Variants in DPYD observed in about 807,000 individuals in gnomAD.
The protein encoded by DPYD is dihydropyrimidine dehydrogenase [NADP(+)].
Under a neutral mutation model 116.2 loss-of-function variants are expected in DPYD, and 109 were observed. That is an observed-to-expected ratio of 0.94 (90% CI 0.80 to 1.10). The LOEUF is 1.10. Among genes scored for constraint, DPYD ranks in the 50% least tolerant of loss-of-function variants. The pLI, the probability that DPYD is intolerant of heterozygous loss-of-function variation, is 0.00. For synonymous variants in DPYD, 440 were observed against 432.0 expected (o/e 1.02, Z -0.23); for missense variants, 1,302 against 1,254.5 (o/e 1.04, Z -0.57).
chr1:97,531,703 A>G (rs1236270076), intron 12 of DPYD, among the ~76,000 whole-genome samples: 2 of 152,174 alleles, frequency 1.3e-5, no homozygotes, highest in East Asian at 3.8e-4. Flanking sequence ...TTGAATCTGT[A>G]CATTGCTTTA....
intron 20 of DPYD, among the ~76,000 whole-genome samples, chr1:97,165,692 C>T (rs898042283): frequency 6.6e-6 from 1 of 152,080 alleles, no homozygotes; most frequent in Non-Finnish European, 1.5e-5. Context: ...GATCTAATAT[C>T]CTGAATCAAT....
intron 3 of DPYD, among the ~76,000 whole-genome samples, chr1:97,781,527 G>C (rs1384467675): frequency 6.6e-6 from 1 of 152,084 alleles, no homozygotes; most frequent in Non-Finnish European, 1.5e-5. Flanking sequence ...TTAACAACTA[G>C]AGTCTTGTTT....
At chr1:97,825,494 T>C (rs965072149) in intron 3 of DPYD, among the ~76,000 whole-genome samples, 4 of 151,422 alleles carry the variant, frequency 2.6e-5, no homozygotes, top group Admixed American at 6.6e-5. Flanking sequence ...TGGAGCCACT[T>C]AGGGGCTGCT....
At chr1:97,852,735 T>G (rs975451622) in intron 2 of DPYD, among the ~76,000 whole-genome samples, 3 of 152,182 alleles carry the variant, frequency 2.0e-5, no homozygotes, top group African/African-American at 7.2e-5. Context: ...AGGATGATGA[T>G]TTCTCAGGTT....
intron 20 of DPYD, among the ~76,000 whole-genome samples, chr1:97,167,554 T>A (rs1656419413): frequency 6.6e-6 from 1 of 152,178 alleles, no homozygotes; most frequent in South Asian, 2.1e-4. Flanking sequence ...GTGGATGAAT[T>A]GTGTGAAGAG....
intron 2 of DPYD, among the ~76,000 whole-genome samples, chr1:97,860,014 A>C (rs1671041173): frequency 6.6e-6 from 1 of 151,858 alleles, no homozygotes; most frequent in Admixed American, 6.6e-5. Context: ...ATCAAACGAG[A>C]TACCTCAGAT....
chr1:97,472,859 G>T (rs1189139271), intron 13 of DPYD, among the ~76,000 whole-genome samples: 1 of 152,126 alleles, frequency 6.6e-6, no homozygotes, highest in Non-Finnish European at 1.5e-5. Flanking sequence ...GGCAAAACTT[G>T]TATATATTTA....
intron 14 of DPYD, among the ~76,000 whole-genome samples, chr1:97,421,692 T>A (rs541102298): frequency 4.6e-5 from 7 of 152,212 alleles, no homozygotes; most frequent in African/African-American, 1.7e-4. Context: ...AGGCACCCTG[T>A]CTCCATGTCA....
intron 16 of DPYD, among the ~76,000 whole-genome samples, chr1:97,352,882 A>C (rs1670223586): frequency 6.6e-6 from 1 of 152,226 alleles, no homozygotes; most frequent in African/African-American, 2.4e-5. Flanking sequence ...TATATGAGAC[A>C]ATAAGGCGGA....
chr1:97,343,013 GAAAC>G (rs774630927), intron 16 of DPYD, among the ~76,000 whole-genome samples: 31 of 152,006 alleles, frequency 2.0e-4, no homozygotes, highest in African/African-American at 5.3e-4. Flanking sequence ...AACACTCAAA[GAAAC>G]AAACAAACAA....
At chr1:97,773,014 A>G (rs1303580126) in intron 3 of DPYD, among the ~76,000 whole-genome samples, 1 of 152,206 alleles carries the variant, frequency 6.6e-6, no homozygotes, top group African/African-American at 2.4e-5. Flanking sequence ...CTAAATAATT[A>G]GCTAGCTAAG....
intron 20 of DPYD, among the ~76,000 whole-genome samples, chr1:97,113,097 T>C (rs1013287953): frequency 4.6e-5 from 7 of 152,192 alleles, no homozygotes; most frequent in African/African-American, 1.7e-4. Flanking sequence ...AAAGCCTTTT[T>C]AACACATGTG....
chr1:97,877,085 A>G lies in DPYD; in HGVS notation c.150+6179T>C, dbSNP rs1324846247. 2.0e-5 allele frequency among the ~76,000 whole-genome samples: 3 copies of G among 152,174 alleles called. No individual in the cohort carries two copies. In the East Asian group the frequency reaches 5.8e-4, roughly 30 times the overall value. On this transcript the variant is annotated intron_variant, in intron 2 of 22. Transcript: ENST00000370192. Reference sequence around the variant, plus strand: ...AAGATGGAGAATCTGTGACTCGACAAACGAAGCCCTGGGAGAGTAGATTGA... The same window carrying G: ...AAGATGGAGAATCTGTGACTCGACAGACGAAGCCCTGGGAGAGTAGATTGA...
At chr1:97,746,914 A>AT (rs1015422637) in intron 3 of DPYD, among the ~76,000 whole-genome samples, 20 of 151,462 alleles carry the variant, frequency 1.3e-4, no homozygotes, top group African/African-American at 3.1e-4. Context: ...TGTTTTTTGG[A>AT]TTTTTTTTGT....
At chr1:97,636,859 G>A (rs1037340675) in intron 8 of DPYD, among the ~76,000 whole-genome samples, 3 of 152,096 alleles carry the variant, frequency 2.0e-5, no homozygotes, top group Non-Finnish European at 4.4e-5. Flanking sequence ...CCCATGAAAT[G>A]CCTTGACAAA....
chr1:97,404,711 T>C (rs766658808), intron 14 of DPYD, among the ~76,000 whole-genome samples: 3 of 152,106 alleles, frequency 2.0e-5, no homozygotes, highest in Non-Finnish European at 4.4e-5. Flanking sequence ...ACGCAATACA[T>C]AGGTGGGTTT....
chr1:97,569,562 G>C (rs1652756211), intron 11 of DPYD, among the ~76,000 whole-genome samples: 1 of 151,644 alleles, frequency 6.6e-6, no homozygotes, highest in South Asian at 2.1e-4. Flanking sequence ...GAAAGTTTGT[G>C]CTTAATCTCC....
chr1:97,189,324 A>G lies in DPYD; in HGVS notation c.2622+3745T>C, dbSNP rs1229805887. Among the ~76,000 whole-genome samples the G allele has an allele frequency of 2.0e-5, 3 of 152,204 alleles. No individual in the cohort carries two copies. The East Asian group carries it at 5.8e-4, about 29-fold the overall frequency. On this transcript the variant is annotated intron_variant, in intron 20 of 22. Coordinates refer to ENST00000370192, the MANE Select transcript of DPYD (RefSeq NM_000110.4). ...AGTGATGCTTGAGAACTGGAAGGCCATTCCAGATGTCGGGAACAGCATGTG... is the reference window on the plus strand; with the variant it reads ...AGTGATGCTTGAGAACTGGAAGGCCGTTCCAGATGTCGGGAACAGCATGTG...
chr1:97,296,155 TA>T (rs1666514470), intron 18 of DPYD: 2 of 152,078 alleles, frequency 1.3e-5, no homozygotes, highest in African/African-American at 4.8e-5. Flanking sequence ...CCAAACAAAA[TA>T]ATTCAAAATA....
Sources: allele counts gnomAD v4.1 joint callset (sites outside exome capture counted in the v4.1 genomes callset), GRCh38; gene constraint gnomAD v4.1.1; transcripts MANE v1.5; gene names NCBI Gene and HGNC (gene_info 2026-07-23, HGNC 2026-07-21).